STRBP: variants seen among roughly 807,000 people sequenced by gnomAD.
STRBP encodes spermatid perinuclear RNA-binding protein.
A neutral mutation model predicts 80.1 loss-of-function variants in STRBP; 13 were observed. That is an observed-to-expected ratio of 0.16 (90% CI 0.11 to 0.26). The LOEUF (loss-of-function observed/expected upper bound fraction) is 0.26, where lower values mean the gene tolerates loss of function less well. Ranked by LOEUF, STRBP falls within the 10% of genes least tolerant of loss-of-function variation. STRBP has a pLI of 1.00. For synonymous variants in STRBP, 284 were observed against 291.2 expected (o/e 0.98, Z 0.25); for missense variants, 485 against 815.2 (o/e 0.59, Z 4.93).
At chr9:123,151,496 GA>G (rs1478951007) in intron 11 of STRBP, among the ~76,000 whole-genome samples, 1 of 152,144 alleles carries the variant, frequency 6.6e-6, no homozygotes, top group Non-Finnish European at 1.5e-5. Flanking sequence ...GTTCTTCGAT[GA>G]CAGCAGAATA....
At chr9:123,190,900 T>G (rs2038900290) in intron 2 of STRBP, among the ~76,000 whole-genome samples, 1 of 152,146 alleles carries the variant, frequency 6.6e-6, no homozygotes, top group Non-Finnish European at 1.5e-5. Context: ...CAAAACAACA[T>G]TCAGCCAGAC....
At chr9:123,228,762 G>GA (rs2132573631) in intron 2 of STRBP, among the ~76,000 whole-genome samples, 2 of 152,238 alleles carry the variant, frequency 1.3e-5, no homozygotes, top group African/African-American at 4.8e-5. Flanking sequence ...AGCCATTTTT[G>GA]AAAAACAATT....
intron 4 of STRBP, among the ~76,000 whole-genome samples, chr9:123,178,260 GCAATGTTTTTATT>G (rs1260059850): frequency 6.6e-6 from 1 of 152,174 alleles, no homozygotes; most frequent in Non-Finnish European, 1.5e-5. Context: ...TATAGCCAAA[GCAATGTTTTTATT>G]CATAGAGTAT....
chr9:123,139,509 T>C lies in STRBP; in HGVS notation c.1497+20A>G. On this transcript the variant is annotated intron_variant, in intron 14 of 18. Transcript: ENST00000348403. ...ATGCACATATATGTTATTTTTTTTC[T>C]GAGAAAAAAATAAGTATACCTCTAA... The C allele has an allele frequency of 6.5e-7, 1 of 1,542,854 alleles. No homozygotes were observed. The highest frequency in any genetic ancestry group is 2.3e-5 in the Admixed American group (1 of 44,316).
At chr9:123,246,857 T>C (rs1218410876) in intron 1 of STRBP, among the ~76,000 whole-genome samples, 1 of 152,164 alleles carries the variant, frequency 6.6e-6, no homozygotes, top group Non-Finnish European at 1.5e-5. Context: ...TCTTATTCAA[T>C]CAAGTAGTAA....
intron 14 of STRBP, among the ~76,000 whole-genome samples, chr9:123,137,392 A>G (rs971974990): frequency 2.6e-5 from 4 of 151,772 alleles, no homozygotes; most frequent in Non-Finnish European, 5.9e-5. Flanking sequence ...CAAAAGTGTT[A>G]ATTTTGTTTT....
At chr9:123,138,576 C>T (rs770954914) in intron 14 of STRBP, among the ~76,000 whole-genome samples, 8 of 152,366 alleles carry the variant, frequency 5.3e-5, no homozygotes, top group Non-Finnish European at 1.0e-4. Flanking sequence ...AGTGGACTCC[C>T]TTTGATTTTA....
At chr9:123,175,333 G>T (rs1460633022) in intron 4 of STRBP, among the ~76,000 whole-genome samples, 3 of 152,166 alleles carry the variant, frequency 2.0e-5, no homozygotes, top group Non-Finnish European at 4.4e-5. Context: ...TACCTAGATG[G>T]GAAACAGTCA....
At chr9:123,237,730 T>G (rs2040599734) in intron 1 of STRBP, among the ~76,000 whole-genome samples, 1 of 152,142 alleles carries the variant, frequency 6.6e-6, no homozygotes, top group Non-Finnish European at 1.5e-5. Flanking sequence ...GGGCTCTATT[T>G]CAGCAACTGG....
Position 123,258,592 on chromosome 9 carries a change from A to G in STRBP, c.-302+9844T>C, listed in dbSNP as rs552511982. Among the ~76,000 whole-genome samples the G allele has an allele frequency of 8.5e-5, 13 of 152,206 alleles. No individual in the cohort carries two copies. The South Asian group carries it at 2.5e-3, about 29-fold the overall frequency. ...GCCAAGGCGGGCGGATCACGAGGTC[A>G]GGAAATCGAGACCATCCTGGCTAAC... is the stretch of plus-strand genomic sequence containing the variant. On this transcript the variant is annotated intron_variant, in intron 1 of 18. Coordinates refer to ENST00000348403, the MANE Select transcript of STRBP (RefSeq NM_018387.5).
intron 2 of STRBP, among the ~76,000 whole-genome samples, chr9:123,221,470 C>T (rs1301363483): frequency 6.6e-6 from 1 of 151,698 alleles, no homozygotes; most frequent in Non-Finnish European, 1.5e-5. Flanking sequence ...TATCAATTAA[C>T]TGTTAAAAAT....
chr9:123,256,898 CTTTT>C (rs754149758), intron 1 of STRBP, among the ~76,000 whole-genome samples: 4 of 134,280 alleles, frequency 3.0e-5, no homozygotes, highest in African/African-American at 1.1e-4. Context: ...AGCCAGGAAT[CTTTT>C]TTTTTTTTTT....
intron 2 of STRBP, among the ~76,000 whole-genome samples, chr9:123,190,346 T>A (rs1210389600): frequency 6.6e-6 from 1 of 151,282 alleles, no homozygotes; most frequent in African/African-American, 2.4e-5. Context: ...AATCCAATAC[T>A]CTCCCCAAAT....
intron 2 of STRBP, among the ~76,000 whole-genome samples, chr9:123,200,734 A>ATTTTTTTTTC (rs2039290815): frequency 5.3e-5 from 2 of 37,512 alleles, no homozygotes; most frequent in Non-Finnish European, 8.4e-5. Flanking sequence ...CACCCCGCTA[A>ATTTTTTTTTC]TTTTTTTTTT....
At chr9:123,201,625 T>A (rs980797841) in intron 2 of STRBP, among the ~76,000 whole-genome samples, 6 of 152,344 alleles carry the variant, frequency 3.9e-5, no homozygotes, top group African/African-American at 1.2e-4. Context: ...ATACTGGATA[T>A]AATTTCGATT....
intron 5 of STRBP, among the ~76,000 whole-genome samples, chr9:123,170,247 A>G (rs1409984005): frequency 2.0e-5 from 3 of 152,214 alleles, no homozygotes; most frequent in African/African-American, 7.2e-5. Flanking sequence ...CTCTTTCTCC[A>G]TTCTTTAAAA....
intron 2 of STRBP, among the ~76,000 whole-genome samples, chr9:123,213,058 G>T (rs909130671): frequency 1.3e-5 from 2 of 152,168 alleles, no homozygotes; most frequent in Non-Finnish European, 2.9e-5. Flanking sequence ...GCTTTTCCCT[G>T]GCTCTGTAAA....
intron 2 of STRBP, among the ~76,000 whole-genome samples, chr9:123,234,162 C>T (rs1200114884): frequency 2.0e-5 from 3 of 146,794 alleles, no homozygotes; most frequent in African/African-American, 7.6e-5. Context: ...GATCACACCA[C>T]TGCACTCCAG....
intron 2 of STRBP, among the ~76,000 whole-genome samples, chr9:123,197,004 G>A (rs1000687131): frequency 1.3e-5 from 2 of 152,076 alleles, no homozygotes; most frequent in African/African-American, 2.4e-5. Flanking sequence ...GTGAAGAGAC[G>A]AATGAATAAA....
Sources: allele counts gnomAD v4.1 joint callset (sites outside exome capture counted in the v4.1 genomes callset), GRCh38; gene constraint gnomAD v4.1.1; transcripts MANE v1.5; gene names NCBI Gene and HGNC (gene_info 2026-07-23, HGNC 2026-07-21).